GALNT13: variants seen among roughly 807,000 people sequenced by gnomAD.
GALNT13 encodes the protein polypeptide N-acetylgalactosaminyltransferase 13, also known as UDP-GalNAc:polypeptide N-acetylgalactosaminyltransferase 13.
GALNT13 carries 28 observed loss-of-function variants against 64.2 expected under a neutral mutation model. The ratio of observed to expected loss-of-function variants is 0.44; its 90% CI spans 0.32 to 0.60. The LOEUF (loss-of-function observed/expected upper bound fraction) is 0.60, where lower values mean the gene tolerates loss of function less well. GALNT13 is among the 20% of genes least tolerant of loss of function. GALNT13 has a pLI of 0.05. For missense variants in GALNT13, 577 were observed against 669.8 expected, an observed-to-expected ratio of 0.86 and a Z score of 1.53; for synonymous variants, 214 against 224.6, an observed-to-expected ratio of 0.95 and a Z score of 0.42.
At chr2:153,455,744 T>C in the GALNT13 span, among the ~76,000 whole-genome samples, 1 of 152,120 alleles carries the variant, frequency 6.6e-6, no homozygotes, top group African/African-American at 2.4e-5. Context: ...CCTTTTCACG[T>C]GGGGTAGCTG....
the GALNT13 span, among the ~76,000 whole-genome samples, chr2:153,257,654 C>A: frequency 6.6e-6 from 1 of 152,092 alleles, no homozygotes; most frequent in African/African-American, 2.4e-5. Flanking sequence ...CTATTGGCAG[C>A]TTTTAACAAT....
rs556320223 is a variant in GALNT13 at position 154,140,026 on chromosome 2, A to G, written c.143-311A>G. On this transcript the variant is annotated intron_variant, in intron 3 of 12. Coordinates refer to ENST00000392825, the MANE Select transcript of GALNT13 (RefSeq NM_052917.4). Reference sequence around the variant, plus strand: ...GCATTATTTTGTCTGCCTAGTGTTCAACTTCAGTTTTCTCTAATAGTGTAT... The same window carrying G: ...GCATTATTTTGTCTGCCTAGTGTTCGACTTCAGTTTTCTCTAATAGTGTAT... 9.2e-5 allele frequency among the ~76,000 whole-genome samples: 14 copies of G among 152,220 alleles called. No homozygotes were observed. In the East Asian group the frequency reaches 2.7e-3, roughly 29 times the overall value.
chr2:154,152,447 C>G (rs1391056435), intron 4 of GALNT13, among the ~76,000 whole-genome samples: 2 of 152,106 alleles, frequency 1.3e-5, no homozygotes, highest in African/African-American at 2.4e-5. Context: ...TTGTGGCGTT[C>G]TCTGTATTTC....
At chr2:154,374,281 G>A (rs1697855765) in intron 9 of GALNT13, among the ~76,000 whole-genome samples, 1 of 152,268 alleles carries the variant, frequency 6.6e-6, no homozygotes, top group East Asian at 1.9e-4. Context: ...GTTGAAGAAG[G>A]AATACTTATT....
intron 9 of GALNT13, among the ~76,000 whole-genome samples, chr2:154,329,977 T>A (rs1340930727): frequency 6.6e-6 from 1 of 152,072 alleles, no homozygotes; most frequent in Non-Finnish European, 1.5e-5. Flanking sequence ...CCTCTTTTCT[T>A]TGTAAATTAC....
intron 3 of GALNT13, among the ~76,000 whole-genome samples, chr2:153,999,418 T>C (rs1390696074): frequency 6.6e-6 from 1 of 152,070 alleles, no homozygotes; most frequent in African/African-American, 2.4e-5. Context: ...AACTATAAAC[T>C]TTTCCCTATT....
intron 2 of GALNT13, among the ~76,000 whole-genome samples, chr2:153,904,491 A>G (rs1370031349): frequency 2.6e-5 from 4 of 151,922 alleles, no homozygotes; most frequent in African/African-American, 4.8e-5. Flanking sequence ...AAAGATTAGT[A>G]TAATCATTTC....
chr2:153,549,135 T>G, the GALNT13 span, among the ~76,000 whole-genome samples: 2 of 152,036 alleles, frequency 1.3e-5, no homozygotes, highest in Non-Finnish European at 2.9e-5. Context: ...TGACTGATGA[T>G]GGGTAGGGGT....
the GALNT13 span, among the ~76,000 whole-genome samples, chr2:153,678,843 T>C: frequency 6.6e-6 from 1 of 152,026 alleles, no homozygotes; most frequent in South Asian, 2.1e-4. Flanking sequence ...GTTTGTACTA[T>C]GTCAGCTTAG....
At chr2:153,089,949 A>C in the GALNT13 span, among the ~76,000 whole-genome samples, 1 of 151,914 alleles carries the variant, frequency 6.6e-6, no homozygotes. Flanking sequence ...CAGAGACTTC[A>C]TCTTGGTTTG....
intron 4 of GALNT13, among the ~76,000 whole-genome samples, chr2:154,159,950 A>G (rs184427620): frequency 6.6e-6 from 1 of 152,308 alleles, no homozygotes; most frequent in Admixed American, 6.5e-5. Context: ...CAATCCTTAA[A>G]TTATGCTTAG....
At chr2:154,192,350 CG>C (rs1323599371) in intron 4 of GALNT13, among the ~76,000 whole-genome samples, 2 of 152,112 alleles carry the variant, frequency 1.3e-5, no homozygotes, top group Non-Finnish European at 2.9e-5. Flanking sequence ...GCCAGGAGTG[CG>C]TCCTCACCTA....
chr2:153,991,723 G>T (rs1170040693), intron 3 of GALNT13, among the ~76,000 whole-genome samples: 3 of 152,112 alleles, frequency 2.0e-5, no homozygotes, highest in Admixed American at 2.0e-4. Flanking sequence ...AAGGGGATAG[G>T]CTTGACTATA....
chr2:153,949,660 G>C (rs1400985037), intron 3 of GALNT13, among the ~76,000 whole-genome samples: 1 of 151,996 alleles, frequency 6.6e-6, no homozygotes, highest in Non-Finnish European at 1.5e-5. Flanking sequence ...ACTTGTAAAG[G>C]AGAAAAATAC....
chr2:153,211,936 G>A, the GALNT13 span, among the ~76,000 whole-genome samples: 1 of 152,106 alleles, frequency 6.6e-6, no homozygotes, highest in Non-Finnish European at 1.5e-5. Context: ...CAGGTAGCAT[G>A]CTCAAAAACA....
At chr2:154,062,836 T>G (rs944572830) in intron 3 of GALNT13, among the ~76,000 whole-genome samples, 4 of 141,406 alleles carry the variant, frequency 2.8e-5, no homozygotes, top group Non-Finnish European at 6.1e-5. Context: ...TCAGGATATT[T>G]AATTCAACAT....
chr2:154,446,481 A>G, intron 12 of GALNT13: 1 of 1,321,746 alleles, frequency 7.6e-7, no homozygotes, highest in South Asian at 1.8e-5. Flanking sequence ...TTTATCCAGT[A>G]GAAATTGCAT....
At chr2:153,356,980 T>C in the GALNT13 span, among the ~76,000 whole-genome samples, 1 of 151,948 alleles carries the variant, frequency 6.6e-6, no homozygotes, top group Non-Finnish European at 1.5e-5. Context: ...GTTTTGTTTT[T>C]TGTATTTTTA....
intron 9 of GALNT13, among the ~76,000 whole-genome samples, chr2:154,390,520 G>C (rs968983858): frequency 2.0e-5 from 3 of 152,048 alleles, no homozygotes; most frequent in Non-Finnish European, 2.9e-5. Context: ...AAGGATAATG[G>C]CTTCCAGCTC....
Sources: allele counts gnomAD v4.1 joint callset (sites outside exome capture counted in the v4.1 genomes callset), GRCh38; gene constraint gnomAD v4.1.1; transcripts MANE v1.5; gene names NCBI Gene and HGNC (gene_info 2026-07-23, HGNC 2026-07-21).